The following SERGEF variants were observed in gnomAD, a reference collection of about 807,000 sequenced individuals.
SERGEF encodes secretion regulating guanine nucleotide exchange factor.
SERGEF carries 51 observed loss-of-function variants against 50.0 expected under a neutral mutation model. The ratio of observed to expected loss-of-function variants is 1.02; its 90% confidence interval spans 0.81 to 1.29. The LOEUF is 1.29. SERGEF is among the 50% of genes most tolerant of loss of function. The pLI, the probability that SERGEF is intolerant of heterozygous loss-of-function variation, is 0.00. For synonymous variants in SERGEF, 205 were observed against 212.4 expected, an observed-to-expected ratio of 0.97 and a Z score of 0.30; for missense variants, 521 against 557.0, an observed-to-expected ratio of 0.94 and a Z score of 0.65.
At chr11:17,921,138 A>G (rs1354606647) in intron 9 of SERGEF, among the ~76,000 whole-genome samples, 1 of 152,232 alleles carries the variant, frequency 6.6e-6, no homozygotes, top group Non-Finnish European at 1.5e-5. Context: ...AAGTGTAATT[A>G]TTTCCAGCAA....
At chr11:17,804,597 T>C (rs1436041370) in intron 10 of SERGEF, among the ~76,000 whole-genome samples, 2 of 152,250 alleles carry the variant, frequency 1.3e-5, no homozygotes, top group African/African-American at 2.4e-5. Context: ...GGCTCAGATT[T>C]CTCCTTTGTA....
chr11:17,904,744 A>G (rs1412766668), intron 9 of SERGEF, among the ~76,000 whole-genome samples: 4 of 152,176 alleles, frequency 2.6e-5, no homozygotes, highest in Admixed American at 2.6e-4. Context: ...AACAGATATA[A>G]CCTTCCAAGA....
At position 17,936,549 on chromosome 11, in the gene SERGEF, A is replaced by AT. The variant is rs1218303080; in HGVS notation, c.1011+22920dup. Among the ~76,000 whole-genome samples the AT allele has an allele frequency of 2.0e-4, 31 of 151,772 alleles. No homozygotes were observed. The East Asian group carries it at 3.9e-3, about 19-fold the overall frequency. Reference sequence around the variant, plus strand: ...CTCATCTGACAAGTAACAGAACAGGATTTTTTTTTCATGTTCTAATAAAGA... The same window carrying AT: ...CTCATCTGACAAGTAACAGAACAGGATTTTTTTTTTCATGTTCTAATAAAGA... On this transcript the variant is annotated intron_variant, in intron 9 of 10. Coordinates refer to ENST00000265965, the MANE Select transcript of SERGEF (RefSeq NM_012139.4).
intron 8 of SERGEF, among the ~76,000 whole-genome samples, chr11:17,977,918 G>A (rs1246381062): frequency 1.3e-5 from 2 of 152,186 alleles, no homozygotes; most frequent in African/African-American, 4.8e-5. Context: ...TTGTTTATAA[G>A]CCACCCAGTC....
At position 17,892,194 on chromosome 11, in the gene SERGEF, C is replaced by T. The variant is rs892610164; in HGVS notation, c.1012-13950G>A. On this transcript the variant is annotated intron_variant, in intron 9 of 10. Transcript: ENST00000265965. Reference sequence around the variant, plus strand: ...AATGTCCCCAATTCTTACTCCTCCTCATATCCACATCCTTTGCCATGAATT... The same window carrying T: ...AATGTCCCCAATTCTTACTCCTCCTTATATCCACATCCTTTGCCATGAATT... Among the ~76,000 whole-genome samples, 32 of 152,178 alleles carry T rather than the reference C, an allele frequency of 2.1e-4. 2 individuals carry two copies.
intron 9 of SERGEF, among the ~76,000 whole-genome samples, chr11:17,906,565 C>T (rs1348865890): frequency 6.6e-6 from 1 of 152,144 alleles, no homozygotes; most frequent in Non-Finnish European, 1.5e-5. Context: ...CAGTGCCATG[C>T]TGTGGCCACC....
At chr11:17,938,316 T>C (rs984462882) in intron 9 of SERGEF, among the ~76,000 whole-genome samples, 1 of 152,180 alleles carries the variant, frequency 6.6e-6, no homozygotes, top group Admixed American at 6.5e-5. Flanking sequence ...GACAATATAG[T>C]AGGGATTTGG....
chr11:17,924,653 G>A (rs12272369), intron 9 of SERGEF, among the ~76,000 whole-genome samples: 2,595 of 150,814 alleles, frequency 0.017, 97 homozygotes, highest in African/African-American at 0.061. Flanking sequence ...GTGGGGGTGC[G>A]GGGGGTGATT....
intron 8 of SERGEF, among the ~76,000 whole-genome samples, chr11:17,967,973 T>C (rs1052356588): frequency 6.6e-6 from 1 of 152,210 alleles, no homozygotes; most frequent in African/African-American, 2.4e-5. Context: ...TATTATCCCC[T>C]GGTCAGAATA....
At chr11:17,900,932 G>A (rs149041188) in intron 9 of SERGEF, among the ~76,000 whole-genome samples, 254 of 152,308 alleles carry the variant, frequency 1.7e-3, no homozygotes, top group African/African-American at 5.8e-3. Flanking sequence ...GGTGGCAGTC[G>A]TGGTGAAGAA....
chr11:17,840,426 C>G (rs544221691), intron 10 of SERGEF, among the ~76,000 whole-genome samples: 1 of 152,288 alleles, frequency 6.6e-6, no homozygotes, highest in East Asian at 1.9e-4. Flanking sequence ...CCCACCACCC[C>G]CTTCCTGCCC....
intron 7 of SERGEF, 149 bp downstream of exon 7, chr11:17,992,782 G>A (rs908449800): frequency 2.0e-5 from 13 of 643,766 alleles, no homozygotes; most frequent in African/African-American, 7.4e-5. Context: ...GAAAGGAAAA[G>A]TAATTTGCCT....
At chr11:18,012,650 C>T in intron 1 of SERGEF, 3 of 1,182,452 alleles carry the variant, frequency 2.5e-6, no homozygotes, top group East Asian at 4.1e-5. Context: ...GCTATTCGGG[C>T]TGGAGGGCTC....
chr11:17,805,178 G>C (rs1849735407), intron 10 of SERGEF, among the ~76,000 whole-genome samples: 1 of 152,200 alleles, frequency 6.6e-6, no homozygotes, highest in African/African-American at 2.4e-5. Context: ...GCAGTGTGGG[G>C]CTGAGTGTCA....
At position 17,920,944 on chromosome 11, in the gene SERGEF, T is replaced by C. The variant is rs919942000; in HGVS notation, c.1011+38526A>G. On this transcript the variant is annotated intron_variant, in intron 9 of 10. Transcript: ENST00000265965. ...CCTAGATTGTCAAATTACAAACTTA[T>C]CTTCAGGGGAATGTATTTAACAAAG... Among the ~76,000 whole-genome samples, 4 of 152,232 alleles carry C rather than the reference T, an allele frequency of 2.6e-5. No individual in the cohort carries two copies. In the East Asian group the frequency reaches 5.8e-4, roughly 22 times the overall value.
chr11:17,902,661 G>T (rs1428191848), intron 9 of SERGEF, among the ~76,000 whole-genome samples: 1 of 152,132 alleles, frequency 6.6e-6, no homozygotes, highest in African/African-American at 2.4e-5. Context: ...GTGGAACATG[G>T]GCAGAAACGA....
intron 10 of SERGEF, among the ~76,000 whole-genome samples, chr11:17,805,356 T>C (rs1849739241): frequency 6.6e-6 from 1 of 152,172 alleles, no homozygotes; most frequent in Admixed American, 6.5e-5. Context: ...GACAATGAAG[T>C]GTAACTTTCC....
chr11:17,810,093 C>T (rs1156690172), intron 10 of SERGEF, among the ~76,000 whole-genome samples: 1 of 152,192 alleles, frequency 6.6e-6, no homozygotes, highest in Admixed American at 6.5e-5. Flanking sequence ...TCATGATATG[C>T]ATCAGACTAG....
At chr11:17,943,505 T>C (rs1004616166) in intron 9 of SERGEF, among the ~76,000 whole-genome samples, 3 of 152,198 alleles carry the variant, frequency 2.0e-5, no homozygotes, top group African/African-American at 7.2e-5. Context: ...TCTGTTGATA[T>C]TTTCAAAGAA....
Sources: gnomAD v4.1 joint callset for allele counts (sites outside exome capture counted in the v4.1 genomes callset) on GRCh38, gnomAD v4.1.1 for gene constraint, MANE v1.5 for transcripts, NCBI Gene and HGNC (gene_info 2026-07-23, HGNC 2026-07-21) for gene names.